SNTG1: variants seen among roughly 807,000 people sequenced by gnomAD.
SNTG1 encodes syntrophin gamma 1, also known as gamma-1-syntrophin.
In SNTG1, 39 loss-of-function variants were observed where a neutral mutation model predicts 74.7. The observed-to-expected ratio is 0.52, with a 90% CI of 0.40 to 0.68. The LOEUF is 0.68. Among genes scored for constraint, SNTG1 ranks in the 30% least tolerant of loss-of-function variants. The pLI, the probability that SNTG1 is intolerant of heterozygous loss-of-function variation, is 0.00. For missense variants in SNTG1, 685 were observed against 609.5 expected, an observed-to-expected ratio of 1.12 and a Z score of -1.30; for synonymous variants, 254 against 217.1, an observed-to-expected ratio of 1.17 and a Z score of -1.49.
At chr8:50,349,088 T>A (rs2091568064) in intron 2 of SNTG1, among the ~76,000 whole-genome samples, 1 of 152,356 alleles carries the variant, frequency 6.6e-6, no homozygotes, top group East Asian at 1.9e-4. Context: ...ACTAAGTCAA[T>A]GGACGTACTA....
At chr8:50,673,353 T>G (rs1021951846) in intron 15 of SNTG1, among the ~76,000 whole-genome samples, 4 of 152,310 alleles carry the variant, frequency 2.6e-5, no homozygotes, top group Admixed American at 2.6e-4. Flanking sequence ...CTTATTTCCT[T>G]GAGCAGTGGT....
At chr8:50,466,430 C>A (rs983300373) in intron 8 of SNTG1, among the ~76,000 whole-genome samples, 2 of 151,924 alleles carry the variant, frequency 1.3e-5, no homozygotes, top group Non-Finnish European at 2.9e-5. Context: ...CACCATGCTG[C>A]CTTAATTATT....
At chr8:50,234,600 G>A (rs2085796868) in intron 2 of SNTG1, among the ~76,000 whole-genome samples, 1 of 151,932 alleles carries the variant, frequency 6.6e-6, no homozygotes, top group Non-Finnish European at 1.5e-5. Context: ...TGGGTGAAGG[G>A]TACAAGCAGC....
chr8:50,610,687 G>A (rs377480635), intron 13 of SNTG1, among the ~76,000 whole-genome samples: 1 of 152,096 alleles, frequency 6.6e-6, no homozygotes, highest in East Asian at 1.9e-4. Flanking sequence ...GTTGGGTTTC[G>A]TGTCATGTTC....
At chr8:50,678,358 G>C (rs569715231) in intron 15 of SNTG1, among the ~76,000 whole-genome samples, 33 of 152,142 alleles carry the variant, frequency 2.2e-4, no homozygotes, top group African/African-American at 7.5e-4. Context: ...GATATGCTCA[G>C]CAGTAACTGC....
chr8:50,669,076 G>C (rs1006133235), intron 15 of SNTG1, among the ~76,000 whole-genome samples: 9 of 151,986 alleles, frequency 5.9e-5, no homozygotes, highest in African/African-American at 1.9e-4. Flanking sequence ...ATGCCCACAA[G>C]AGAAAGCAGG....
At chr8:50,080,860 G>A (rs62515419) in intron 1 of SNTG1, among the ~76,000 whole-genome samples, 17,100 of 152,020 alleles carry the variant, frequency 0.11, 1,339 homozygotes, top group Non-Finnish European at 0.16. Context: ...CAAGTTCTGG[G>A]CATTACATTG....
chr8:50,278,457 C>G (rs139629864), intron 2 of SNTG1, among the ~76,000 whole-genome samples: 178 of 152,234 alleles, frequency 1.2e-3, no homozygotes, highest in African/African-American at 3.9e-3. Context: ...AAATGGAAAT[C>G]TCTTCAGAAA....
At chr8:50,199,911 AT>A (rs1431946325) in intron 2 of SNTG1, among the ~76,000 whole-genome samples, 1 of 152,184 alleles carries the variant, frequency 6.6e-6, no homozygotes, top group Non-Finnish European at 1.5e-5. Flanking sequence ...GGGAACCTGT[AT>A]TGTGGGTGTG....
chr8:50,387,318 C>CA (rs2092590869), intron 2 of SNTG1, among the ~76,000 whole-genome samples: 1 of 152,160 alleles, frequency 6.6e-6, no homozygotes, highest in Non-Finnish European at 1.5e-5. Flanking sequence ...AGCCACCACA[C>CA]AAATTTCTTC....
chr8:50,662,380 G>C (rs1448163233), intron 15 of SNTG1, among the ~76,000 whole-genome samples: 1 of 152,150 alleles, frequency 6.6e-6, no homozygotes, highest in African/African-American at 2.4e-5. Flanking sequence ...GGTTTATCTG[G>C]TACATATAGT....
intron 12 of SNTG1, among the ~76,000 whole-genome samples, chr8:50,587,723 G>A (rs2094660618): frequency 1.3e-5 from 2 of 152,054 alleles, no homozygotes; most frequent in South Asian, 4.2e-4. Context: ...TACGCGCGAG[G>A]GTGAGGCAGG....
intron 2 of SNTG1, among the ~76,000 whole-genome samples, chr8:50,227,113 G>T (rs1306116640): frequency 2.0e-5 from 3 of 152,074 alleles, no homozygotes; most frequent in African/African-American, 7.2e-5. Context: ...GAAGCTGCCA[G>T]TTTTATCATC....
At chr8:50,117,632 GTTATTT>G (rs2080867868) in intron 1 of SNTG1, among the ~76,000 whole-genome samples, 1 of 152,026 alleles carries the variant, frequency 6.6e-6, no homozygotes, top group African/African-American at 2.4e-5. Context: ...TTACAATTTA[GTTATTT>G]TTAAGTGATT....
intron 2 of SNTG1, among the ~76,000 whole-genome samples, chr8:50,250,428 C>G (rs1219026370): frequency 6.6e-6 from 1 of 152,054 alleles, no homozygotes; most frequent in Non-Finnish European, 1.5e-5. Context: ...GTTCCCAAGT[C>G]TTAGGGGAGA....
intron 12 of SNTG1, among the ~76,000 whole-genome samples, chr8:50,581,805 T>C (rs2094611631): frequency 6.6e-6 from 1 of 152,192 alleles, no homozygotes; most frequent in African/African-American, 2.4e-5. Flanking sequence ...GTTGGAGATG[T>C]CCTTACTCGG....
chr8:50,538,153 T>C (rs372755354), intron 11 of SNTG1, among the ~76,000 whole-genome samples: 2 of 152,306 alleles, frequency 1.3e-5, no homozygotes, highest in East Asian at 3.9e-4. Flanking sequence ...TTTACCACTT[T>C]GAATGAAGAA....
At chr8:50,195,335 A>G (rs1283767667) in intron 2 of SNTG1, among the ~76,000 whole-genome samples, 3 of 151,868 alleles carry the variant, frequency 2.0e-5, no homozygotes, top group Admixed American at 2.0e-4. Context: ...AGAGGGCATG[A>G]TGGGCTTGAA....
At chr8:50,338,152 A>AAAAT (rs2091211382) in intron 2 of SNTG1, among the ~76,000 whole-genome samples, 2 of 151,952 alleles carry the variant, frequency 1.3e-5, no homozygotes, top group Non-Finnish European at 2.9e-5. Flanking sequence ...TAAATAAATA[A>AAAAT]AAATAAATAA....
Sources: gnomAD v4.1 joint callset for allele counts (sites outside exome capture counted in the v4.1 genomes callset) on GRCh38, gnomAD v4.1.1 for gene constraint, MANE v1.5 for transcripts, NCBI Gene and HGNC (gene_info 2026-07-23, HGNC 2026-07-21) for gene names.